TAFA5: variants seen among roughly 807,000 people sequenced by gnomAD.
TAFA5 encodes TAFA chemokine like family member 5.
TAFA5 carries 6 observed loss-of-function variants against 15.3 expected under a neutral mutation model. That is an observed-to-expected ratio of 0.39 (90% CI 0.21 to 0.77). The LOEUF (loss-of-function observed/expected upper bound fraction) is 0.77. TAFA5 is among the 30% of genes least tolerant of loss of function. The pLI, the probability that TAFA5 is intolerant of heterozygous loss-of-function variation, is 0.41. For synonymous variants in TAFA5, 103 were observed against 80.7 expected, an observed-to-expected ratio of 1.28 and a Z score of -1.48; for missense variants, 161 against 193.1, an observed-to-expected ratio of 0.83 and a Z score of 0.98.
At chr22:48,599,728 T>C (rs1431093134) in intron 1 of TAFA5, among the ~76,000 whole-genome samples, 1 of 152,258 alleles carries the variant, frequency 6.6e-6, no homozygotes, top group East Asian at 1.9e-4. Flanking sequence ...TGCCCCTGGT[T>C]CTGCTGGAGC....
At chr22:48,735,946 A>G (rs868758739) in intron 3 of TAFA5, among the ~76,000 whole-genome samples, 5 of 106,886 alleles carry the variant, frequency 4.7e-5, no homozygotes, top group East Asian at 2.4e-4. Context: ...TCGCACTCCT[A>G]GAGTCCAGAG....
intron 3 of TAFA5, among the ~76,000 whole-genome samples, chr22:48,720,379 A>G (rs2147260395): frequency 6.6e-6 from 1 of 152,218 alleles, no homozygotes; most frequent in Middle Eastern, 3.4e-3. Context: ...CACGTGACCC[A>G]ACATCTCAGG....
At chr22:48,608,251 G>A (rs891959984) in intron 1 of TAFA5, among the ~76,000 whole-genome samples, 3 of 152,144 alleles carry the variant, frequency 2.0e-5, no homozygotes, top group Non-Finnish European at 4.4e-5. Context: ...AACACCTCAG[G>A]AGACCCTGTC....
At chr22:48,704,803 G>C (rs775815515) in intron 2 of TAFA5, among the ~76,000 whole-genome samples, 2 of 152,032 alleles carry the variant, frequency 1.3e-5, no homozygotes, top group Non-Finnish European at 2.9e-5. Flanking sequence ...GCAAAACTCC[G>C]CATACTGAGG....
intron 3 of TAFA5, among the ~76,000 whole-genome samples, chr22:48,721,738 G>A (rs917408580): frequency 5.3e-5 from 8 of 152,192 alleles, no homozygotes; most frequent in African/African-American, 1.7e-4. Context: ...GGGAGGCCAA[G>A]CAGGCAGATC....
chr22:48,610,959 G>A (rs1925385222), intron 1 of TAFA5, among the ~76,000 whole-genome samples: 1 of 150,656 alleles, frequency 6.6e-6, no homozygotes, highest in Non-Finnish European at 1.5e-5. Flanking sequence ...TTTTGAGGTG[G>A]AGTCTCGCTT....
Position 48,674,862 on chromosome 22 carries a change from T to A in TAFA5, c.262+28116T>A, listed in dbSNP as rs1927921046. On this transcript the variant is annotated intron_variant, in intron 2 of 3. Transcript: ENST00000402357. ...ACTATTCTTTCGGTGTTGCTGTGGC[T>A]GCTTTGTGTCACAGTGACAGAGACG... Among the ~76,000 whole-genome samples, 3 of 152,096 alleles carry A rather than the reference T, an allele frequency of 2.0e-5. No individual in the cohort carries two copies. The South Asian group carries it at 6.2e-4, about 32-fold the overall frequency.
At chr22:48,687,189 G>A (rs1277673798) in intron 2 of TAFA5, among the ~76,000 whole-genome samples, 6 of 150,942 alleles carry the variant, frequency 4.0e-5, no homozygotes, top group Non-Finnish European at 8.8e-5. Flanking sequence ...TGGATTGATG[G>A]ATGGGAGGAT....
At chr22:48,578,353 G>T (rs1034747382) in intron 1 of TAFA5, among the ~76,000 whole-genome samples, 1 of 152,230 alleles carries the variant, frequency 6.6e-6, no homozygotes, top group Admixed American at 6.5e-5. Context: ...CCCAGTGCAG[G>T]TGCCTCCGGG....
intron 1 of TAFA5, among the ~76,000 whole-genome samples, chr22:48,506,770 C>A (rs1601838806): frequency 6.6e-6 from 1 of 152,240 alleles, no homozygotes; most frequent in East Asian, 1.9e-4. Context: ...CCGGCCATGG[C>A]AGGCGGGGGT....
intron 1 of TAFA5, among the ~76,000 whole-genome samples, chr22:48,556,993 G>T (rs1185505394): frequency 6.6e-6 from 1 of 152,202 alleles, no homozygotes; most frequent in Admixed American, 6.5e-5. Flanking sequence ...CCTCCCAAAG[G>T]AGAAGAGGGC....
intron 1 of TAFA5, among the ~76,000 whole-genome samples, chr22:48,528,915 G>A (rs1921868881): frequency 6.6e-6 from 1 of 152,190 alleles, no homozygotes; most frequent in Admixed American, 6.5e-5. Flanking sequence ...GGAGAAGGGA[G>A]GGGTAGCAGG....
chr22:48,619,695 C>T (rs1313060084), intron 1 of TAFA5, among the ~76,000 whole-genome samples: 2 of 152,228 alleles, frequency 1.3e-5, no homozygotes, highest in African/African-American at 2.4e-5. Flanking sequence ...CAACTGTTGG[C>T]GTCAGGACCG....
At chr22:48,645,393 C>T (rs1386313747) in intron 1 of TAFA5, among the ~76,000 whole-genome samples, 4 of 152,184 alleles carry the variant, frequency 2.6e-5, no homozygotes, top group Admixed American at 6.5e-5. Context: ...GGTAGAACTT[C>T]CTGGCTGTTC....
intron 1 of TAFA5, among the ~76,000 whole-genome samples, chr22:48,540,004 G>A (rs910094853): frequency 6.6e-6 from 1 of 152,178 alleles, no homozygotes; most frequent in Admixed American, 6.5e-5. Context: ...ATGTCCCATG[G>A]ATTGGGGGGT....
chr22:48,688,756 C>G (rs1173569405), intron 2 of TAFA5, among the ~76,000 whole-genome samples: 1 of 152,136 alleles, frequency 6.6e-6, no homozygotes, highest in Non-Finnish European at 1.5e-5. Context: ...TTTGGGAGGC[C>G]AAGGCTGGCG....
intron 1 of TAFA5, among the ~76,000 whole-genome samples, chr22:48,574,458 C>A (rs986430211): frequency 1.3e-5 from 2 of 152,158 alleles, no homozygotes; most frequent in African/African-American, 4.8e-5. Flanking sequence ...AGTCACCATG[C>A]CTCTATAAGC....
chr22:48,519,351 C>A (rs543764033), intron 1 of TAFA5, among the ~76,000 whole-genome samples: 308 of 152,380 alleles, frequency 2.0e-3, no homozygotes, highest in African/African-American at 6.9e-3. Context: ...ATGCCCTAAT[C>A]TGTTTATCGC....
At chr22:48,523,633 G>A (rs899017071) in intron 1 of TAFA5, among the ~76,000 whole-genome samples, 3 of 152,208 alleles carry the variant, frequency 2.0e-5, no homozygotes, top group Non-Finnish European at 4.4e-5. Flanking sequence ...CGCCTGGACT[G>A]ACCCCAGCCC....
Sources: gnomAD v4.1 joint callset for allele counts (sites outside exome capture counted in the v4.1 genomes callset) on GRCh38, gnomAD v4.1.1 for gene constraint, MANE v1.5 for transcripts, NCBI Gene and HGNC (gene_info 2026-07-23, HGNC 2026-07-21) for gene names.